Variants in YWHAE observed in about 807,000 individuals in gnomAD.
YWHAE encodes 14-3-3 protein epsilon.
In YWHAE, 4 loss-of-function variants were observed where a neutral mutation model predicts 30.1. The observed-to-expected ratio is 0.13, with a 90% CI of 0.07 to 0.30. The LOEUF is 0.30. YWHAE is among the 10% of genes least tolerant of loss of function. YWHAE has a pLI of 1.00. For missense variants in YWHAE, 121 were observed against 315.9 expected (o/e 0.38, Z 4.68); for synonymous variants, 118 against 111.8 (o/e 1.06, Z -0.35).
chr17:1,399,715 C>T, intron 1 of YWHAE: 1 of 497,098 alleles, frequency 2.0e-6, no homozygotes, highest in Non-Finnish European at 3.7e-6. Context: ...GAGGGTGGCT[C>T]GTTCGGAGAC....
intron 4 of YWHAE, among the ~76,000 whole-genome samples, chr17:1,354,964 GTTTTTTTTTTTTTTTT>G (rs56351171): frequency 0.41 from 31,188 of 75,164 alleles, 5,608 homozygotes; most frequent in African/African-American, 0.56. Context: ...GCCCAGCCTA[GTTTTTTTTTTTTTTTT>G]TTTTTTTTTT....
chr17:1,372,137 C>G (rs184486641), intron 1 of YWHAE, among the ~76,000 whole-genome samples: 6 of 152,334 alleles, frequency 3.9e-5, no homozygotes, highest in African/African-American at 9.6e-5. Flanking sequence ...CGCGCTCAGC[C>G]GACCTTGTAC....
chr17:1,350,694 G>A (rs1488776891), intron 5 of YWHAE, among the ~76,000 whole-genome samples: 2 of 151,696 alleles, frequency 1.3e-5, no homozygotes, highest in Admixed American at 6.6e-5. Context: ...CGTCCACTTC[G>A]GCCTCCCAAA....
intron 1 of YWHAE, among the ~76,000 whole-genome samples, chr17:1,395,783 T>C (rs2073461247): frequency 1.3e-5 from 2 of 152,190 alleles, no homozygotes; most frequent in Admixed American, 6.5e-5. Flanking sequence ...CTTCACTAAC[T>C]AGCAGAATAA....
chr17:1,349,520 C>T (rs1269252214), intron 5 of YWHAE, among the ~76,000 whole-genome samples: 4 of 152,086 alleles, frequency 2.6e-5, no homozygotes, highest in Admixed American at 2.0e-4. Context: ...AAGTATTTCA[C>T]CTAATAAAAA....
intron 1 of YWHAE, among the ~76,000 whole-genome samples, chr17:1,370,391 A>G (rs1598250471): frequency 1.3e-5 from 2 of 151,582 alleles, no homozygotes; most frequent in Non-Finnish European, 2.9e-5. Context: ...TTGGCCTCCC[A>G]AAGTGCTGGG....
chr17:1,373,076 A>G (rs772025015), intron 1 of YWHAE, among the ~76,000 whole-genome samples: 2 of 151,850 alleles, frequency 1.3e-5, no homozygotes, highest in East Asian at 2.0e-4. Context: ...CCCTGTCTCT[A>G]CTAAAAATAC....
intron 1 of YWHAE, among the ~76,000 whole-genome samples, chr17:1,365,755 G>A (rs904718456): frequency 2.0e-5 from 3 of 152,116 alleles, no homozygotes; most frequent in Non-Finnish European, 4.4e-5. Flanking sequence ...TATTTTTGAT[G>A]CCATATTACC....
chr17:1,378,187 G>A (rs903638518), intron 1 of YWHAE, among the ~76,000 whole-genome samples: 1 of 152,242 alleles, frequency 6.6e-6, no homozygotes, highest in African/African-American at 2.4e-5. Flanking sequence ...CACAGAAAAT[G>A]TATGCCTAGA....
intron 1 of YWHAE, among the ~76,000 whole-genome samples, chr17:1,393,016 C>T (rs917242297): frequency 1.3e-5 from 2 of 151,890 alleles, no homozygotes; most frequent in Non-Finnish European, 2.9e-5. Flanking sequence ...CCAGCCTGGG[C>T]AACATGGTGA....
chr17:1,355,556 C>A (rs901893388), intron 4 of YWHAE, among the ~76,000 whole-genome samples: 1 of 152,064 alleles, frequency 6.6e-6, no homozygotes. Flanking sequence ...AAAGGCAACA[C>A]AGACGCCATG....
intron 5 of YWHAE, among the ~76,000 whole-genome samples, chr17:1,349,770 G>T (rs1032557673): frequency 6.6e-6 from 1 of 151,204 alleles, no homozygotes. Flanking sequence ...CCACCACCAC[G>T]CCCGGGTAAT....
rs1167676783 is a variant in YWHAE at position 1,354,997 on chromosome 17, T to A, written c.579-650A>T. On this transcript the variant is annotated intron_variant, in intron 4 of 5. Transcript: ENST00000264335. ...TTTTTTTTTTTTTTTTTTTTTTTTT[T>A]AAGGGATTCGTTATGTTGCCCAGGC... 1.3e-4 allele frequency among the ~76,000 whole-genome samples: 14 copies of A among 104,816 alleles called. No homozygotes were observed. The East Asian group carries it at 3.6e-3, about 27-fold the overall frequency. 68.8% of individuals were successfully genotyped at this position (104,816 alleles called of 152,430 possible). A position where few individuals can be genotyped will look rare whatever the true frequency, so the allele number is the denominator to read the frequency against.
intron 4 of YWHAE, among the ~76,000 whole-genome samples, chr17:1,357,402 CA>C (rs1195729330): frequency 0.046 from 3,721 of 80,210 alleles, 61 homozygotes; most frequent in East Asian, 0.088. Context: ...GACTCCGTCT[CA>C]AAAAAAAAAA....
At chr17:1,347,064 A>G (rs1285800379) in intron 5 of YWHAE, among the ~76,000 whole-genome samples, 3 of 149,852 alleles carry the variant, frequency 2.0e-5, no homozygotes, top group African/African-American at 7.4e-5. Context: ...ATGGTGGCTC[A>G]CGCCTGTAAT....
intron 1 of YWHAE, among the ~76,000 whole-genome samples, chr17:1,365,405 A>T (rs887695565): frequency 2.0e-5 from 3 of 152,220 alleles, no homozygotes; most frequent in Non-Finnish European, 2.9e-5. Context: ...TAAGAGAAAG[A>T]TTAAGAATTT....
chr17:1,387,452 C>A (rs995760743), intron 1 of YWHAE, among the ~76,000 whole-genome samples: 1 of 152,072 alleles, frequency 6.6e-6, no homozygotes, highest in Non-Finnish European at 1.5e-5. Flanking sequence ...AGAAAAGACA[C>A]TGAAACAAAA....
chr17:1,380,369 T>C (rs1408541445), intron 1 of YWHAE, among the ~76,000 whole-genome samples: 1 of 152,084 alleles, frequency 6.6e-6, no homozygotes, highest in African/African-American at 2.4e-5. Flanking sequence ...GCCTCAGCCT[T>C]CCAAAGTGCG....
chr17:1,398,961 C>G (rs1485729118), intron 1 of YWHAE: 1 of 152,188 alleles, frequency 6.6e-6, no homozygotes, highest in Non-Finnish European at 1.5e-5. Context: ...CCAGCCTCAG[C>G]CGAGCGCCTG....
Sources: allele counts gnomAD v4.1 joint callset (sites outside exome capture counted in the v4.1 genomes callset), GRCh38; gene constraint gnomAD v4.1.1; transcripts MANE v1.5; gene names NCBI Gene and HGNC (gene_info 2026-07-23, HGNC 2026-07-21).